RFT1: variants seen among roughly 807,000 people sequenced by gnomAD.
The protein encoded by RFT1 is RFT1 glycolipid translocator homolog.
Under a neutral mutation model 62.2 loss-of-function variants are expected in RFT1, and 43 were observed. That is an observed-to-expected ratio of 0.69 (90% CI 0.54 to 0.89). The LOEUF (loss-of-function observed/expected upper bound fraction) is 0.89, where lower values mean the gene tolerates loss of function less well. Among genes scored for constraint, RFT1 ranks in the 40% least tolerant of loss-of-function variants. The probability of loss-of-function intolerance (pLI) is 0.00; values close to 1 mark genes in which losing one functional copy is unlikely to be tolerated. For missense variants in RFT1, 605 were observed against 649.9 expected, an observed-to-expected ratio of 0.93 and a Z score of 0.75; for synonymous variants, 262 against 264.6, an observed-to-expected ratio of 0.99 and a Z score of 0.10.
chr3:53,109,815 A>G (rs1328639029), intron 7 of RFT1, among the ~76,000 whole-genome samples: 1 of 152,088 alleles, frequency 6.6e-6, no homozygotes, highest in Non-Finnish European at 1.5e-5. Flanking sequence ...GACCCTATCT[A>G]CAAAAACAAA....
the RFT1 span, among the ~76,000 whole-genome samples, chr3:53,081,092 A>T: frequency 6.6e-6 from 1 of 152,030 alleles, no homozygotes; most frequent in Non-Finnish European, 1.5e-5. Context: ...GCATGGGGAG[A>T]GGTGTGAGGA....
chr3:53,072,214 C>T, the RFT1 span, among the ~76,000 whole-genome samples: 2 of 152,126 alleles, frequency 1.3e-5, no homozygotes, highest in South Asian at 2.1e-4. Context: ...CACAGGAGGT[C>T]GTCTCTACAT....
At chr3:53,078,886 T>C in the RFT1 span, among the ~76,000 whole-genome samples, 1 of 152,178 alleles carries the variant, frequency 6.6e-6, no homozygotes, top group African/African-American at 2.4e-5. Context: ...ACCCCAACTT[T>C]TCCTTGGCCC....
the RFT1 span, among the ~76,000 whole-genome samples, chr3:53,082,332 G>A: frequency 2.0e-5 from 3 of 152,110 alleles, no homozygotes; most frequent in Admixed American, 6.5e-5. Flanking sequence ...AAAATTAGTT[G>A]AGTGTGGTGG....
chr3:53,117,881 C>T (rs1701852795), intron 6 of RFT1, among the ~76,000 whole-genome samples: 1 of 152,150 alleles, frequency 6.6e-6, no homozygotes, highest in Non-Finnish European at 1.5e-5. Flanking sequence ...CTGAGCCCAT[C>T]ACAGGTTTTA....
chr3:53,068,953 T>C, the RFT1 span, among the ~76,000 whole-genome samples: 1 of 152,210 alleles, frequency 6.6e-6, no homozygotes, highest in East Asian at 1.9e-4. Context: ...TTGTTTTTGT[T>C]TTTGAGATGG....
At chr3:53,107,417 G>A (rs910249264) in intron 7 of RFT1, among the ~76,000 whole-genome samples, 2 of 152,086 alleles carry the variant, frequency 1.3e-5, no homozygotes, top group Admixed American at 1.3e-4. Context: ...GATTACAGGC[G>A]TAAGCCACCA....
chr3:53,092,236 T>C, intron 12 of RFT1, 133 bp downstream of exon 12: 1 of 1,431,874 alleles, frequency 7.0e-7, no homozygotes, highest in Non-Finnish European at 9.6e-7. Context: ...TCTTGTCACA[T>C]TATCAGAAGA....
rs755604638 is a variant in RFT1 at position 53,122,445 on chromosome 3, A to C, written c.385T>G (p.Ser129Ala). The change falls in exon 4 of 13, where the codon TCG becomes GCG. Residue 129 changes from serine (S) to alanine (A), a missense_variant. Ser to Ala is a moderately conservative substitution (Grantham distance 99). Transcript: ENST00000296292. ...YATGVVLFGLSAVVELLGEPF... is the reference protein window; with the variant it reads ...YATGVVLFGLAAVVELLGEPF... ...TCTCCTAGAAGCTCCACCACTGCCGAGAGACCAAACAGCACCACTCCAGTT... is the reference window on the plus strand; with the variant it reads ...TCTCCTAGAAGCTCCACCACTGCCGCGAGACCAAACAGCACCACTCCAGTT... The C allele has an allele frequency of 6.2e-7, 1 of 1,614,162 alleles. No homozygotes were observed. Among genetic ancestry groups the C allele is most frequent in the South Asian group, 1.1e-5 (1 of 91,082 alleles).
chr3:53,073,104 C>T, the RFT1 span, among the ~76,000 whole-genome samples: 1 of 152,194 alleles, frequency 6.6e-6, no homozygotes, highest in Admixed American at 6.5e-5. Context: ...CACAGGGTTT[C>T]AGCCCACCGC....
At chr3:53,092,345 G>T in intron 12 of RFT1, 24 bp downstream of exon 12, 1 of 1,588,230 alleles carries the variant, frequency 6.3e-7, no homozygotes, top group Non-Finnish European at 8.6e-7. Flanking sequence ...GAAGCATGTG[G>T]CATGATGGCT....
rs927998853 is a variant in RFT1, at chr3:53,088,874, C to A, written c.*3029G>T. The A allele has an allele frequency of 6.7e-6, 1 of 150,018 alleles. No individual in the cohort carries two copies. The highest frequency in any genetic ancestry group is 2.1e-4 in the South Asian group (1 of 4,716). The allele number at this position is 150,018 out of a possible 1,614,324, so 9.3% of individuals were successfully genotyped here. On this transcript the variant is annotated 3_prime_UTR_variant, in exon 13 of 13. Coordinates refer to ENST00000296292, the MANE Select transcript of RFT1 (RefSeq NM_052859.4). The stretch of plus-strand genomic sequence containing the variant: ...AGAATAGGCCAGGAGCGGTGGCTCA[C>A]GCCTGTAATCCCAGCACTTTGGGAG...
rs543775843 is a variant in RFT1, at chr3:53,097,732, T to C, written c.1208+1649A>G. ...ACACTCCTAGTCCTGCTCTTTCCAC[T>C]CTAACAGTGCCTCATTTCACATGTT... is the stretch of plus-strand genomic sequence containing the variant. On this transcript the variant is annotated intron_variant, in intron 11 of 12. Coordinates refer to ENST00000296292, the MANE Select transcript of RFT1 (RefSeq NM_052859.4). 5.3e-5 allele frequency among the ~76,000 whole-genome samples: 8 copies of C among 152,366 alleles called. No homozygotes were observed. In the South Asian group the frequency reaches 1.7e-3, roughly 32 times the overall value.
At chr3:53,107,281 G>A (rs1050134736) in intron 7 of RFT1, among the ~76,000 whole-genome samples, 6 of 151,806 alleles carry the variant, frequency 4.0e-5, no homozygotes, top group East Asian at 3.9e-4. Flanking sequence ...GACTACAGGC[G>A]CCCGCCACCG....
chr3:53,082,001 C>T, the RFT1 span, among the ~76,000 whole-genome samples: 1 of 152,110 alleles, frequency 6.6e-6, no homozygotes, highest in Admixed American at 6.5e-5. Flanking sequence ...TGGAGTGCAG[C>T]GGTGTGATCA....
At chr3:53,117,728 T>A (rs771002397) in intron 6 of RFT1, among the ~76,000 whole-genome samples, 20 of 152,162 alleles carry the variant, frequency 1.3e-4, no homozygotes, top group Non-Finnish European at 2.8e-4. Flanking sequence ...GTGATATCGG[T>A]TGTCACTTAA....
chr3:53,122,552 C>G lies in RFT1; in HGVS notation c.278G>C (p.Gly93Ala), dbSNP rs938783882. Reference sequence around the variant, plus strand: ...GCCCAGGAATAAGGACCAAAACACACCCAGGGGGACTCTAGAAGAGGAGAA... The same window carrying G: ...GCCCAGGAATAAGGACCAAAACACAGCCAGGGGGACTCTAGAAGAGGAGAA... ...LNLLWLTVPL[G>A]VFWSLFLGWI... Residue 93 changes from glycine to alanine, a missense_variant, in exon 4 of 13, where the codon GGT (glycine) becomes GCT (alanine). By Grantham distance (60) the Gly-to-Ala change is moderately conservative. Coordinates refer to ENST00000296292, the MANE Select transcript of RFT1 (RefSeq NM_052859.4). 3 of 1,606,410 alleles carry G rather than the reference C, an allele frequency of 1.9e-6. No homozygotes were observed. The highest frequency in any genetic ancestry group is 1.7e-4 in the Middle Eastern group (1 of 6,058).
At chr3:53,083,041 CT>C in the RFT1 span, among the ~76,000 whole-genome samples, 1 of 150,720 alleles carries the variant, frequency 6.6e-6, no homozygotes, top group Non-Finnish European at 1.5e-5. Flanking sequence ...AATAAAAATA[CT>C]TTAAAAAAAT....
intron 7 of RFT1, 104 bp downstream of exon 7, chr3:53,111,726 C>T (rs1701653658): frequency 1.1e-6 from 1 of 933,968 alleles, no homozygotes; most frequent in Admixed American, 1.7e-5. Context: ...AATTCTTCTG[C>T]CCCAGAGGCT....
Sources: gnomAD v4.1 joint callset for allele counts (sites outside exome capture counted in the v4.1 genomes callset) on GRCh38, gnomAD v4.1.1 for gene constraint, MANE v1.5 for transcripts, NCBI Gene and HGNC (gene_info 2026-07-23, HGNC 2026-07-21) for gene names.